VPS13B: variants seen among roughly 807,000 people sequenced by gnomAD.
VPS13B encodes vacuolar protein sorting 13 homolog B, also known as intermembrane lipid transfer protein VPS13B.
In VPS13B, 285 loss-of-function variants were observed where a neutral mutation model predicts 426.4. The ratio of observed to expected loss-of-function variants is 0.67; its 90% CI spans 0.61 to 0.74. The LOEUF (loss-of-function observed/expected upper bound fraction) is 0.74. VPS13B is among the 30% of genes least tolerant of loss of function. VPS13B has a pLI of 0.00. For missense variants in VPS13B, 4,537 were observed against 4,782.6 expected, an observed-to-expected ratio of 0.95 and a Z score of 1.51; for synonymous variants, 1,676 against 1,676.4, an observed-to-expected ratio of 1.00 and a Z score of 0.01.
At chr8:99,502,686 T>C (rs914816341) in intron 26 of VPS13B, 150 bp from the exon 27 acceptor site, 3 of 699,790 alleles carry the variant, frequency 4.3e-6, no homozygotes, top group Non-Finnish European at 5.1e-6. Context: ...AACAGGCCTA[T>C]GCTGATTTGC....
At chr8:99,591,505 A>G (rs913856844) in intron 33 of VPS13B, among the ~76,000 whole-genome samples, 3 of 151,856 alleles carry the variant, frequency 2.0e-5, no homozygotes, top group African/African-American at 7.3e-5. Flanking sequence ...GTTCCTTTCC[A>G]TGTTTCGTGC....
chr8:99,709,986 C>T (rs774865580), intron 36 of VPS13B, among the ~76,000 whole-genome samples: 3 of 152,208 alleles, frequency 2.0e-5, no homozygotes, highest in Non-Finnish European at 2.9e-5. Flanking sequence ...TAAAAAATGA[C>T]CTGATCAGCA....
At chr8:99,232,049 T>G (rs570832045) in intron 17 of VPS13B, among the ~76,000 whole-genome samples, 1 of 152,064 alleles carries the variant, frequency 6.6e-6, no homozygotes, top group Non-Finnish European at 1.5e-5. Flanking sequence ...GAGGCTGACG[T>G]GTGTGTTTTG....
At chr8:99,106,035 ACT>A (rs1471374166) in intron 5 of VPS13B, among the ~76,000 whole-genome samples, 1 of 152,024 alleles carries the variant, frequency 6.6e-6, no homozygotes, top group East Asian at 1.9e-4. Flanking sequence ...TAACCCTTTA[ACT>A]CTCTGAGGAA....
intron 60 of VPS13B, chr8:99,871,098 C>T (rs952768323): frequency 2.3e-5 from 14 of 619,218 alleles, no homozygotes; most frequent in Middle Eastern, 4.4e-4. Flanking sequence ...TCCTCTGTTC[C>T]GTACCTAACC....
chr8:99,813,950 A>G (rs1329654487), intron 44 of VPS13B, among the ~76,000 whole-genome samples: 1 of 152,168 alleles, frequency 6.6e-6, no homozygotes, highest in East Asian at 1.9e-4. Flanking sequence ...CGTGGTCAAC[A>G]TAGCAAGACC....
chr8:99,198,840 T>G lies in VPS13B; in HGVS notation c.2515+5783T>G, dbSNP rs1391859959. Among the ~76,000 whole-genome samples the G allele has an allele frequency of 1.9e-4, 29 of 151,700 alleles. 2 individuals carry two copies. Among genetic ancestry groups the G allele is most frequent in the Admixed American group, 1.9e-3 (29 of 15,258 alleles). ...TTCCAGGTGGTCAGTTTTCTTGTCT[T>G]TTTTCCCCCCGAGAACAAAACCTCA... On this transcript the variant is annotated intron_variant, in intron 17 of 61. Transcript: ENST00000357162.
chr8:99,510,396 G>A (rs191488610), intron 28 of VPS13B, among the ~76,000 whole-genome samples: 80 of 152,268 alleles, frequency 5.3e-4, no homozygotes, highest in African/African-American at 1.8e-3. Flanking sequence ...TTTCACCTGA[G>A]TAAACAACCC....
chr8:99,034,126 C>T (rs1238117095), intron 2 of VPS13B, among the ~76,000 whole-genome samples: 2 of 152,136 alleles, frequency 1.3e-5, no homozygotes, highest in South Asian at 2.1e-4. Context: ...TTCTTCTCCC[C>T]CAGGAGATGG....
At chr8:99,734,532 G>C (rs1224973986) in intron 39 of VPS13B, among the ~76,000 whole-genome samples, 1 of 152,170 alleles carries the variant, frequency 6.6e-6, no homozygotes, top group African/African-American at 2.4e-5. Context: ...TAGGAGATGG[G>C]TGTGAAAAGT....
intron 40 of VPS13B, among the ~76,000 whole-genome samples, chr8:99,767,446 A>T (rs965335668): frequency 6.7e-6 from 1 of 149,898 alleles, no homozygotes; most frequent in East Asian, 2.0e-4. Flanking sequence ...TGTTTTTTTA[A>T]AACTTTAAAA....
intron 19 of VPS13B, among the ~76,000 whole-genome samples, chr8:99,284,254 A>G (rs1225944329): frequency 6.6e-6 from 1 of 152,104 alleles, no homozygotes; most frequent in African/African-American, 2.4e-5. Context: ...TGATTTTCAA[A>G]TTTATCTTTA....
chr8:99,015,189 G>A (rs1264432483), intron 2 of VPS13B, among the ~76,000 whole-genome samples: 1 of 150,048 alleles, frequency 6.7e-6, no homozygotes, highest in Non-Finnish European at 1.5e-5. Flanking sequence ...TTTTTAATGA[G>A]CACAAATCCC....
In VPS13B at chr8:99,386,036, T is replaced by G. The variant is rs113444688; in HGVS notation, c.2934+1719T>G. ...GGAAATTGGTATAAACAGAGCTGGA[T>G]TTTAGAAAGTTTACTCTAGCAGAAT... On this transcript the variant is annotated intron_variant, in intron 20 of 61. Transcript: ENST00000357162. Among the ~76,000 whole-genome samples the G allele has an allele frequency of 1.8e-3, 280 of 152,256 alleles. 1 individual carries two copies. The highest frequency in any genetic ancestry group is 6.4e-3 in the African/African-American group (266 of 41,552).
chr8:99,027,177 A>T (rs1842183305), intron 2 of VPS13B, among the ~76,000 whole-genome samples: 1 of 152,170 alleles, frequency 6.6e-6, no homozygotes, highest in Non-Finnish European at 1.5e-5. Context: ...GTGGCCAGCC[A>T]GGTCTTGGTT....
intron 30 of VPS13B, among the ~76,000 whole-genome samples, chr8:99,533,648 G>T (rs1269444052): frequency 6.6e-6 from 1 of 152,124 alleles, no homozygotes; most frequent in African/African-American, 2.4e-5. Flanking sequence ...TTATTGATGA[G>T]CTTAACATCA....
chr8:99,254,682 C>T (rs1208250254), intron 17 of VPS13B, among the ~76,000 whole-genome samples: 2 of 151,860 alleles, frequency 1.3e-5, no homozygotes, highest in East Asian at 3.8e-4. Flanking sequence ...CTCACTGTGT[C>T]ACCCAGGCTG....
chr8:99,580,985 AC>A (rs1247955048), intron 33 of VPS13B, among the ~76,000 whole-genome samples: 1 of 4,060 alleles, frequency 2.5e-4, no homozygotes, highest in Non-Finnish European at 4.1e-4. Flanking sequence ...TCTCTACAAA[AC>A]ACACACACAC....
At chr8:99,474,234 G>A (rs1287738813) in intron 24 of VPS13B, among the ~76,000 whole-genome samples, 1 of 144,098 alleles carries the variant, frequency 6.9e-6, no homozygotes, top group African/African-American at 2.7e-5. Context: ...TGTTGCCCAG[G>A]GTGGAGTGCA....
Sources: allele counts gnomAD v4.1 joint callset (sites outside exome capture counted in the v4.1 genomes callset), GRCh38; gene constraint gnomAD v4.1.1; transcripts MANE v1.5; gene names NCBI Gene and HGNC (gene_info 2026-07-23, HGNC 2026-07-21).